The following HDAC9 variants were observed in gnomAD, a reference collection of about 807,000 sequenced individuals.
The protein encoded by HDAC9 is MEF-2 interacting transcription repressor (MITR) protein.
HDAC9 carries 41 observed loss-of-function variants against 139.4 expected under a neutral mutation model. That is an observed-to-expected ratio of 0.29 (90% CI 0.23 to 0.38). The LOEUF (loss-of-function observed/expected upper bound fraction) is 0.38, where lower values mean the gene tolerates loss of function less well. HDAC9 is among the 10% of genes least tolerant of loss of function. HDAC9 has a pLI of 1.00. For synonymous variants in HDAC9, 517 were observed against 476.2 expected (o/e 1.09, Z -1.12); for missense variants, 1,147 against 1,297.0 (o/e 0.88, Z 1.78).
chr7:18,483,648 A>T (rs1259278693), intron 1 of HDAC9, among the ~76,000 whole-genome samples: 2 of 152,216 alleles, frequency 1.3e-5, no homozygotes, highest in East Asian at 3.8e-4. Flanking sequence ...TACACATAAG[A>T]ACTTCTGGCA....
At chr7:18,447,326 G>A (rs2389962) in intron 1 of HDAC9, among the ~76,000 whole-genome samples, 23,353 of 151,618 alleles carry the variant, frequency 0.15, 2,322 homozygotes, top group Non-Finnish European at 0.2. Context: ...CTTATATATC[G>A]CTTACCACAA....
intron 1 of HDAC9, among the ~76,000 whole-genome samples, chr7:18,440,236 G>A (rs923909741): frequency 2.0e-5 from 3 of 149,032 alleles, no homozygotes; most frequent in African/African-American, 5.0e-5. Context: ...CCAGGCTGGA[G>A]TGCAGTGGTG....
chr7:18,564,299 C>G (rs1159312842), intron 2 of HDAC9, among the ~76,000 whole-genome samples: 1 of 151,834 alleles, frequency 6.6e-6, no homozygotes, highest in African/African-American at 2.4e-5. Context: ...TTATGTCTGT[C>G]AAATTATAGG....
intron 2 of HDAC9, among the ~76,000 whole-genome samples, chr7:18,181,844 C>T (rs558559748): frequency 1.3e-5 from 2 of 152,216 alleles, no homozygotes; most frequent in South Asian, 4.1e-4. Flanking sequence ...AAACCAAATA[C>T]AAGGGTACTG....
intron 1 of HDAC9, among the ~76,000 whole-genome samples, chr7:18,156,333 G>A (rs933628290): frequency 2.6e-5 from 4 of 152,154 alleles, no homozygotes; most frequent in Non-Finnish European, 5.9e-5. Context: ...CAAGGTCTGG[G>A]GATGTCTGGT....
chr7:18,392,919 C>CAAAAAAAA (rs773532939), intron 1 of HDAC9, among the ~76,000 whole-genome samples: 1 of 44,552 alleles, frequency 2.2e-5, no homozygotes, highest in African/African-American at 6.1e-5. Flanking sequence ...CCATGACTGG[C>CAAAAAAAA]AAAAAAAAAA....
chr7:18,488,352 T>C (rs1441078422), intron 1 of HDAC9, among the ~76,000 whole-genome samples: 7 of 152,082 alleles, frequency 4.6e-5, no homozygotes, highest in African/African-American at 1.2e-4. Flanking sequence ...CTAGTTGATA[T>C]GTACTGATAC....
intron 1 of HDAC9, among the ~76,000 whole-genome samples, chr7:18,155,276 C>G (rs9942632): frequency 0.16 from 24,070 of 151,838 alleles, 3,476 homozygotes; most frequent in African/African-American, 0.38. Context: ...AAAATCAGTG[C>G]AGTAAGACTT....
At chr7:18,733,173 A>G (rs953984790) in intron 13 of HDAC9, among the ~76,000 whole-genome samples, 5 of 144,284 alleles carry the variant, frequency 3.5e-5, no homozygotes, top group African/African-American at 1.1e-4. Context: ...ATACACATGT[A>G]TATATGTGTC....
At chr7:18,741,417 G>C (rs147345691) in intron 13 of HDAC9, among the ~76,000 whole-genome samples, 2 of 152,252 alleles carry the variant, frequency 1.3e-5, no homozygotes, top group East Asian at 1.9e-4. Flanking sequence ...CAAAGCCTGG[G>C]TGACAGCATA....
intron 24 of HDAC9, among the ~76,000 whole-genome samples, chr7:18,966,425 G>C (rs992562612): frequency 4.6e-5 from 7 of 152,216 alleles, no homozygotes; most frequent in African/African-American, 1.7e-4. Flanking sequence ...TTAGGGGTCG[G>C]GAGCCGGTGG....
chr7:18,419,296 T>A (rs1292404085), intron 1 of HDAC9, among the ~76,000 whole-genome samples: 1 of 152,230 alleles, frequency 6.6e-6, no homozygotes, highest in African/African-American at 2.4e-5. Context: ...TATTGATGTA[T>A]TAAGTGTATC....
intron 6 of HDAC9, among the ~76,000 whole-genome samples, chr7:18,600,466 T>C (rs1833657884): frequency 6.6e-6 from 1 of 152,242 alleles, no homozygotes; most frequent in African/African-American, 2.4e-5. Flanking sequence ...AATGAAAAGA[T>C]AAGGTCCTTG....
chr7:18,489,183 A>G (rs746153936), intron 1 of HDAC9, among the ~76,000 whole-genome samples: 1 of 152,050 alleles, frequency 6.6e-6, no homozygotes, highest in Non-Finnish European at 1.5e-5. Context: ...ACATTATGCT[A>G]AGCTCTGGTA....
intron 2 of HDAC9, among the ~76,000 whole-genome samples, chr7:18,536,078 T>G (rs1190493874): frequency 1.3e-5 from 2 of 152,186 alleles, no homozygotes; most frequent in African/African-American, 4.8e-5. Flanking sequence ...AAGCCTACAC[T>G]GCAACCCAGG....
chr7:18,555,698 C>A (rs1047658606), intron 2 of HDAC9, among the ~76,000 whole-genome samples: 1 of 151,894 alleles, frequency 6.6e-6, no homozygotes, highest in Non-Finnish European at 1.5e-5. Flanking sequence ...TTTATTATTT[C>A]CTAATTTCTA....
At chr7:18,859,836 A>G (rs1797967556) in intron 21 of HDAC9, among the ~76,000 whole-genome samples, 1 of 129,656 alleles carries the variant, frequency 7.7e-6, no homozygotes, top group Non-Finnish European at 1.7e-5. Flanking sequence ...ATATATATAT[A>G]TATATATATA....
chr7:18,934,464 G>T (rs2129308681), intron 22 of HDAC9, among the ~76,000 whole-genome samples: 2 of 152,294 alleles, frequency 1.3e-5, no homozygotes, highest in African/African-American at 2.4e-5. Context: ...CTTCCTAAAT[G>T]CAATGATGGC....
upstream of HDAC9, among the ~76,000 whole-genome samples, chr7:18,494,394 G>A (rs537753425): frequency 3.3e-4 from 50 of 151,822 alleles, no homozygotes; most frequent in Non-Finnish European, 6.3e-4. Context: ...CTCTTCCATC[G>A]GATTGTTCTG....
Sources: gnomAD v4.1 joint callset for allele counts (sites outside exome capture counted in the v4.1 genomes callset) on GRCh38, gnomAD v4.1.1 for gene constraint, MANE v1.5 for transcripts, NCBI Gene and HGNC (gene_info 2026-07-23, HGNC 2026-07-21) for gene names.